The following DMD variants were observed in gnomAD, a reference collection of about 807,000 sequenced individuals.
DMD encodes dystrophin.
In DMD, 63 loss-of-function variants were observed where a neutral mutation model predicts 330.1. That is an observed-to-expected ratio of 0.19 (90% CI 0.16 to 0.24). The LOEUF (loss-of-function observed/expected upper bound fraction) is 0.24, where lower values mean the gene tolerates loss of function less well. Among genes scored for constraint, DMD ranks in the 10% least tolerant of loss-of-function variants. The probability of loss-of-function intolerance (pLI) is 1.00; values close to 1 mark genes in which losing one functional copy is unlikely to be tolerated. For synonymous variants in DMD, 1,223 were observed against 959.8 expected (o/e 1.27, Z -5.07); for missense variants, 3,344 against 2,684.1 (o/e 1.25, Z -5.43).
chrX:31,203,630 A>T (rs2043754963), intron 67 of DMD, among the ~76,000 whole-genome samples: 1 of 112,052 alleles, frequency 8.9e-6, no homozygotes, highest in African/African-American at 3.2e-5. Flanking sequence ...AGACTAAGAG[A>T]CTCGCCTACA....
chrX:32,436,580 A>T (rs1014351632), intron 29 of DMD, among the ~76,000 whole-genome samples: 1 of 111,634 alleles, frequency 9.0e-6, no homozygotes, highest in Non-Finnish European at 1.9e-5. Context: ...ATTGCAATAT[A>T]ATTACATTAA....
chrX:31,221,730 T>C (rs2046058535), intron 64 of DMD, among the ~76,000 whole-genome samples: 1 of 113,043 alleles, frequency 8.8e-6, no homozygotes, highest in South Asian at 3.6e-4. Flanking sequence ...TGGTTATCCC[T>C]TGTTAGACTG....
At chrX:31,173,194 T>C (rs1000770436) in intron 72 of DMD, among the ~76,000 whole-genome samples, 2 of 111,402 alleles carry the variant, frequency 1.8e-5, no homozygotes, top group Non-Finnish European at 3.8e-5. Flanking sequence ...CCATATAATA[T>C]AGTATCATTT....
intron 74 of DMD, among the ~76,000 whole-genome samples, chrX:31,151,683 T>C (rs2037436258): frequency 8.9e-6 from 1 of 112,760 alleles, no homozygotes; most frequent in Non-Finnish European, 1.9e-5. Context: ...AGAATATCAA[T>C]TGCTCAATGC....
intron 55 of DMD, among the ~76,000 whole-genome samples, chrX:31,507,899 T>C (rs943995186): frequency 8.9e-5 from 10 of 111,913 alleles, no homozygotes; most frequent in African/African-American, 2.9e-4. Flanking sequence ...ACTCTGACCA[T>C]AAAAGCGTGG....
chrX:32,682,593 G>A (rs938299529), intron 9 of DMD, among the ~76,000 whole-genome samples: 1 of 111,422 alleles, frequency 9.0e-6, no homozygotes, highest in Non-Finnish European at 1.9e-5. Context: ...TGCTTGAAGA[G>A]TTCATATCAA....
At chrX:32,955,190 C>G (rs950189846) in intron 2 of DMD, among the ~76,000 whole-genome samples, 1 of 111,734 alleles carries the variant, frequency 8.9e-6, no homozygotes, top group Non-Finnish European at 1.9e-5. Context: ...TCCCCACAAC[C>G]GTGCTAGCAT....
intron 7 of DMD, among the ~76,000 whole-genome samples, chrX:32,786,084 A>G (rs1301863831): frequency 1.2e-5 from 1 of 81,829 alleles, no homozygotes; most frequent in Non-Finnish European, 2.2e-5. Flanking sequence ...AGGAGGAATA[A>G]GAGTGTGTGT....
chrX:32,462,552 T>G (rs1216848065), intron 25 of DMD, among the ~76,000 whole-genome samples: 1 of 111,790 alleles, frequency 8.9e-6, no homozygotes, highest in Non-Finnish European at 1.9e-5. Flanking sequence ...TATAAAATAT[T>G]CTTCTGTAGA....
chrX:32,342,459 T>G (rs1344714591), intron 40 of DMD, among the ~76,000 whole-genome samples, 177 bp from the exon 41 acceptor site: 1 of 112,324 alleles, frequency 8.9e-6, no homozygotes, highest in Admixed American at 9.5e-5. Flanking sequence ...CCAAATATTA[T>G]TTCAGTTATC....
intron 44 of DMD, among the ~76,000 whole-genome samples, chrX:32,125,906 C>T (rs1191231652): frequency 1.8e-5 from 2 of 112,104 alleles, no homozygotes; most frequent in Non-Finnish European, 3.8e-5. Context: ...GAACCAGCAG[C>T]ATCAGCATCA....
intron 49 of DMD, among the ~76,000 whole-genome samples, chrX:31,830,176 C>T (rs1302440662): frequency 8.9e-6 from 1 of 112,601 alleles, no homozygotes; most frequent in East Asian, 2.8e-4. Context: ...GCAATCATTC[C>T]TAATGTATAG....
intron 2 of DMD, among the ~76,000 whole-genome samples, chrX:32,930,859 A>G (rs1019381690): frequency 4.6e-5 from 5 of 109,749 alleles, no homozygotes; most frequent in South Asian, 3.8e-4. Context: ...TACATTCTCT[A>G]TGACACACTA....
intron 1 of DMD, among the ~76,000 whole-genome samples, chrX:33,058,441 T>C (rs1456058875): frequency 9.7e-6 from 1 of 103,011 alleles, no homozygotes; most frequent in Non-Finnish European, 1.9e-5. Context: ...CATGCCACCA[T>C]GTCAGGCTAA....
At chrX:31,300,784 C>T (rs1425096993) in intron 62 of DMD, among the ~76,000 whole-genome samples, 1 of 111,542 alleles carries the variant, frequency 9.0e-6, no homozygotes, top group African/African-American at 3.3e-5. Flanking sequence ...TTTGTTATGA[C>T]ACGGAAAACT....
intron 23 of DMD, among the ~76,000 whole-genome samples, chrX:32,468,021 G>C (rs2040226235): frequency 9.1e-6 from 1 of 109,924 alleles, no homozygotes; most frequent in Admixed American, 9.9e-5. Context: ...AGACAGCATA[G>C]TTGACTCCTA....
At chrX:31,123,236 T>C (rs1477258970) in intron 78 of DMD, among the ~76,000 whole-genome samples, 1 of 112,209 alleles carries the variant, frequency 8.9e-6, no homozygotes, top group African/African-American at 3.2e-5. Flanking sequence ...ATTAAAAGTT[T>C]AATGTCATTC....
intron 1 of DMD, among the ~76,000 whole-genome samples, chrX:33,192,275 G>A (rs1475149164): frequency 8.9e-6 from 1 of 111,818 alleles, no homozygotes; most frequent in Non-Finnish European, 1.9e-5. Flanking sequence ...GATTCATTAA[G>A]AATGTGAAAG....
chrX:32,951,141 G>A (rs1462039427), intron 2 of DMD, among the ~76,000 whole-genome samples: 1 of 111,016 alleles, frequency 9.0e-6, no homozygotes, highest in Admixed American at 9.7e-5. Flanking sequence ...CAAGCCATGG[G>A]GTAAAACTAC....
Sources: gnomAD v4.1 joint callset for allele counts (sites outside exome capture counted in the v4.1 genomes callset) on GRCh38, gnomAD v4.1.1 for gene constraint, MANE v1.5 for transcripts, NCBI Gene and HGNC (gene_info 2026-07-23, HGNC 2026-07-21) for gene names.